Variants in CCDC197 observed in about 807,000 individuals in gnomAD.
The protein encoded by CCDC197 is uncharacterized protein CCDC197.
CCDC197 carries 24 observed loss-of-function variants against 13.4 expected under a neutral mutation model. The ratio of observed to expected loss-of-function variants is 1.80; its 90% CI spans 1.30 to 2.53. CCDC197 has a LOEUF of 2.53. Ranked by LOEUF, CCDC197 falls within the 30% of genes most tolerant of loss-of-function variation. CCDC197 has a pLI of 0.00. For synonymous variants in CCDC197, 99 were observed against 55.5 expected, an observed-to-expected ratio of 1.78 and a Z score of -3.48; for missense variants, 255 against 148.8, an observed-to-expected ratio of 1.71 and a Z score of -3.71.
At chr14:93,995,576 A>G (rs529679176), upstream of CCDC197, among the ~76,000 whole-genome samples, 50 of 152,272 alleles carry the variant, frequency 3.3e-4, no homozygotes, top group African/African-American at 1.1e-3. Flanking sequence ...CCGGGCCCCA[A>G]TGCGGGCTCT....
rs1353092563 is a variant in CCDC197 at position 94,003,345 on chromosome 14, C to A, written c.489C>A (p.Ser163Arg). 4.0e-6 allele frequency: 3 copies of A among 743,062 alleles called. No homozygotes were observed. Among genetic ancestry groups the A allele is most frequent in the Non-Finnish European group, 7.6e-6 (3 of 396,142 alleles). 46.0% of individuals were successfully genotyped at this position (743,062 alleles called of 1,614,324 possible). Residue 163 changes from serine (S) to arginine (R), a missense_variant, in exon 5 of 7, where the codon AGC becomes AGA. Coordinates refer to ENST00000636493, the MANE Select transcript of CCDC197 (RefSeq NM_001351596.2). This position sits in a 1 kb window ranked among gnomAD's most constrained non-coding sequence, Gnocchi z 5.0. Reference sequence around the variant, plus strand: ...TTGACTTTGACACACACACCAGCAGCAGCTATAATGTGAGTCCAGTCTTTC... The same window carrying A: ...TTGACTTTGACACACACACCAGCAGAAGCTATAATGTGAGTCCAGTCTTTC... ...KDIDFDTHTS[S>R]SYNDQLLGYM...
intron 4 of CCDC197, 114 bp downstream of exon 4, chr14:94,001,437 T>TG (rs1890505184): frequency 3.6e-6 from 2 of 555,994 alleles, no homozygotes; most frequent in Non-Finnish European, 6.4e-6. Flanking sequence ...GGCGTAATGC[T>TG]GGGGGGCCCT....
In CCDC197 at chr14:94,008,845, C is replaced by G; in HGVS notation, c.*33C>G. On this transcript the variant is annotated 3_prime_UTR_variant, in exon 7 of 7. Transcript: ENST00000636493. ...GCGCCTTGCAGGCCCCATGGCATCACGACCTCTCCTTACCTGCCTGCCTCC... is the reference window on the plus strand; with the variant it reads ...GCGCCTTGCAGGCCCCATGGCATCAGGACCTCTCCTTACCTGCCTGCCTCC... 1.5e-6 allele frequency: 1 copy of G among 683,078 alleles called. No individual in the cohort carries two copies. 42.3% of individuals were successfully genotyped at this position (683,078 alleles called of 1,614,324 possible).
chr14:94,001,215 C>T lies in CCDC197; in HGVS notation c.258C>T (p.Phe86=). The change falls in exon 4 of 7, where the codon TTC becomes TTT. Residue 86 remains phenylalanine, a synonymous_variant. Transcript: ENST00000636493. ...EATVKHYGKL[F]TASQDTQKRL... is the part of the protein sequence containing the mutation. The stretch of plus-strand genomic sequence containing the variant: ...CGGTGAAGCACTACGGGAAGCTCTT[C>T]ACAGCCAGCCAGGACACGCAGAAGC... 1 of 780,938 alleles carries T rather than the reference C, an allele frequency of 1.3e-6. No individual in the cohort carries two copies. The highest frequency in any genetic ancestry group is 2.4e-6 in the Non-Finnish European group (1 of 418,056). The allele number at this position is 780,938 out of a possible 1,614,324, so 48.4% of individuals were successfully genotyped here.
chr14:93,998,008 C>T lies in CCDC197; in HGVS notation c.-124C>T. ...TCTCCTTTTCTGTGAGGTGGGGATG[C>T]TAACCCTGGCTTCCAAGGATCTGAA... On this transcript the variant is annotated 5_prime_UTR_variant, in exon 2 of 7. Transcript: ENST00000636493. 3.0e-6 allele frequency: 2 copies of T among 659,124 alleles called. No individual in the cohort carries two copies. The highest frequency in any genetic ancestry group is 5.5e-6 in the Non-Finnish European group (2 of 360,432). 40.8% of individuals were successfully genotyped at this position (659,124 alleles called of 1,614,324 possible).
rs1344040048 is a variant in CCDC197, at chr14:94,008,757, C to T, written c.764C>T (p.Thr255Ile). Residue 255 changes from threonine (T) to isoleucine (I), a missense_variant, in exon 7 of 7, where the codon ACC becomes ATC. Coordinates refer to ENST00000636493, the MANE Select transcript of CCDC197 (RefSeq NM_001351596.2). ...AAATGTCCAAGGAGGCGGGTTTCCA[C>T]CCCCAGGACCCCCTTTCCCAGCCCC... Reference protein sequence around the residue: ...FRKCPRRRVSTPRTPFPSPHA... With the variant: ...FRKCPRRRVSIPRTPFPSPHA... The T allele has an allele frequency of 1.4e-6, 1 of 702,694 alleles. No individual in the cohort carries two copies. The highest frequency in any genetic ancestry group is 1.7e-5 in the African/African-American group (1 of 57,392). 43.5% of individuals were successfully genotyped at this position (702,694 alleles called of 1,614,324 possible).
upstream of CCDC197, among the ~76,000 whole-genome samples, chr14:93,994,271 C>T (rs1246071308): frequency 1.3e-5 from 2 of 152,204 alleles, no homozygotes; most frequent in Non-Finnish European, 2.9e-5. Context: ...GTGCAAGGAG[C>T]CCAGCATTTT....
rs1267477332 is a variant in CCDC197 at position 94,003,411 on chromosome 14, T to A, written c.498+57T>A. 1.5e-6 allele frequency: 1 copy of A among 679,068 alleles called. No individual in the cohort carries two copies. The allele number at this position is 679,068 out of a possible 1,614,324, so 42.1% of individuals were successfully genotyped here. A position where few individuals can be genotyped will look rare whatever the true frequency, so the allele number is the denominator to read the frequency against. On this transcript the variant is annotated intron_variant, in intron 5 of 6. Coordinates refer to ENST00000636493, the MANE Select transcript of CCDC197 (RefSeq NM_001351596.2). This position sits in a 1 kb window ranked among gnomAD's most constrained non-coding sequence, Gnocchi z 5.0. ...TTAGGGGTGGGGAAGGGGAAGCTGATGTCTCCATCATCAATCCCAAAACAC... is the reference window on the plus strand; with the variant it reads ...TTAGGGGTGGGGAAGGGGAAGCTGAAGTCTCCATCATCAATCCCAAAACAC...
At chr14:94,007,329 A>G (rs1054624271) in intron 6 of CCDC197, 1 of 152,180 alleles carries the variant, frequency 6.6e-6, no homozygotes, top group Admixed American at 6.5e-5. Context: ...CAATTTCATT[A>G]TTTCGCATGA....
At chr14:93,990,870 C>T (rs976384257) in intron 1 of CCDC197, among the ~76,000 whole-genome samples, 10 of 152,176 alleles carry the variant, frequency 6.6e-5, no homozygotes, top group South Asian at 2.1e-4. Flanking sequence ...GAATGCTTTA[C>T]GTATACCAGC....
intron 1 of CCDC197, among the ~76,000 whole-genome samples, 181 bp from the exon 2 acceptor site, chr14:93,997,818 T>C (rs1231488311): frequency 1.3e-5 from 2 of 152,182 alleles, no homozygotes; most frequent in East Asian, 1.9e-4. Flanking sequence ...GTACCAGTTA[T>C]AGGGCCGCAA....
At chr14:93,999,499 A>G (rs532087410) in intron 2 of CCDC197, 84 bp from the exon 3 acceptor site, 33 of 760,084 alleles carry the variant, frequency 4.3e-5, no homozygotes, top group African/African-American at 3.8e-4. Flanking sequence ...GCAGGAGATC[A>G]CAGAGGGTGG....
At chr14:94,002,270 C>CTCTT (rs754095533) in intron 4 of CCDC197, among the ~76,000 whole-genome samples, 221 of 152,146 alleles carry the variant, frequency 1.5e-3, no homozygotes, top group Non-Finnish European at 2.4e-3. Flanking sequence ...CCCCCTCTCT[C>CTCTT]TCTTTCTTTC....
intron 4 of CCDC197, chr14:94,001,565 T>C (rs1329938937): frequency 5.0e-6 from 2 of 397,216 alleles, no homozygotes; most frequent in East Asian, 8.4e-5. Context: ...GTGTCCTGGA[T>C]GCAGAGGGAC....
chr14:94,010,600 G>T (rs1258001346), downstream of CCDC197, among the ~76,000 whole-genome samples: 1 of 152,318 alleles, frequency 6.6e-6, no homozygotes. Context: ...CTCAGGTAGG[G>T]TTTGAGTGGG....
downstream of CCDC197, among the ~76,000 whole-genome samples, chr14:94,011,219 C>G (rs181165622): frequency 1.6e-4 from 25 of 152,318 alleles, no homozygotes; most frequent in East Asian, 3.7e-3. Context: ...AGAGCACCAC[C>G]TTCTACGCCC....
chr14:94,007,444 T>C (rs951072221), intron 6 of CCDC197: 37 of 152,222 alleles, frequency 2.4e-4, no homozygotes, highest in African/African-American at 8.7e-4. Context: ...ATATGAAAAG[T>C]TTATTTCTGG....
intron 4 of CCDC197, among the ~76,000 whole-genome samples, chr14:94,002,856 A>AAACT (rs1332066964): frequency 2.0e-5 from 3 of 151,560 alleles, no homozygotes; most frequent in African/African-American, 7.3e-5. Flanking sequence ...TGTCTCAAAA[A>AAACT]AAAAAAAAAA....
upstream of CCDC197, among the ~76,000 whole-genome samples, chr14:93,996,284 G>A (rs765334618): frequency 7.2e-5 from 11 of 152,160 alleles, no homozygotes; most frequent in Non-Finnish European, 1.5e-4. Flanking sequence ...ATAAGCGAGG[G>A]GCTCTAGGAC....
Sources: gnomAD v4.1 joint callset for allele counts (sites outside exome capture counted in the v4.1 genomes callset) on GRCh38, gnomAD v4.1.1 for gene constraint, Gnocchi (gnomAD v3.1) non-coding constraint, MANE v1.5 for transcripts, NCBI Gene and HGNC (gene_info 2026-07-23, HGNC 2026-07-21) for gene names.